The following NIPBL variants were observed in gnomAD, a reference collection of about 807,000 sequenced individuals.
NIPBL encodes nipped-B-like protein.
NIPBL carries 19 observed loss-of-function variants against 321.8 expected under a neutral mutation model. That is an observed-to-expected ratio of 0.06 (90% confidence interval 0.04 to 0.09). The LOEUF (loss-of-function observed/expected upper bound fraction) is 0.09. NIPBL is among the 10% of genes least tolerant of loss of function. NIPBL has a pLI of 1.00. For missense variants in NIPBL, 2,210 were observed against 3,327.0 expected (o/e 0.66, Z 8.26); for synonymous variants, 1,106 against 1,114.1 (o/e 0.99, Z 0.14).
At chr5:36,962,325 C>G (rs752981686) in intron 6 of NIPBL, 51 bp downstream of exon 6, 2 of 1,593,136 alleles carry the variant, frequency 1.3e-6, no homozygotes, top group Non-Finnish European at 1.7e-6. Context: ...GCTTTAATTC[C>G]AAGCAAATTT....
chr5:36,877,665 C>T (rs1486461135), intron 1 of NIPBL, among the ~76,000 whole-genome samples: 2 of 152,350 alleles, frequency 1.3e-5, no homozygotes, highest in Non-Finnish European at 2.9e-5. Flanking sequence ...CTCCCTTCTT[C>T]CCCCTGTGAC....
intron 1 of NIPBL, among the ~76,000 whole-genome samples, chr5:36,908,780 C>G (rs1367187706): frequency 1.3e-5 from 2 of 152,134 alleles, no homozygotes; most frequent in Non-Finnish European, 2.9e-5. Context: ...CAGTAAGCCA[C>G]AGTATTAAAA....
chr5:36,935,622 C>G (rs1216962682), intron 1 of NIPBL, among the ~76,000 whole-genome samples: 1 of 152,114 alleles, frequency 6.6e-6, no homozygotes, highest in Non-Finnish European at 1.5e-5. Context: ...TCTTTTTGTT[C>G]TTAGAATATA....
chr5:36,929,550 T>A (rs1017140613), intron 1 of NIPBL, among the ~76,000 whole-genome samples: 1 of 152,092 alleles, frequency 6.6e-6, no homozygotes, highest in Non-Finnish European at 1.5e-5. Flanking sequence ...CTATGAAAAT[T>A]GTTAACTTTA....
At chr5:36,991,189 A>G (rs1745472410) in intron 10 of NIPBL, among the ~76,000 whole-genome samples, 1 of 152,098 alleles carries the variant, frequency 6.6e-6, no homozygotes, top group Non-Finnish European at 1.5e-5. Context: ...CTTATTACAA[A>G]TTATAGTACA....
chr5:37,051,265 A>T (rs1753515095), intron 40 of NIPBL: 1 of 156,502 alleles, frequency 6.4e-6, no homozygotes, highest in Non-Finnish European at 1.4e-5. Flanking sequence ...CACTTAACAT[A>T]GTAGTACTGT....
intron 46 of NIPBL, chr5:37,064,229 A>T (rs1226221504): frequency 1.4e-6 from 2 of 1,387,286 alleles, no homozygotes; most frequent in Non-Finnish European, 1.9e-6. Context: ...GAATTGTATT[A>T]ATGTGTGTTA....
rs374093687 is a variant in NIPBL, at chr5:37,020,718, C to T, written c.5225+45C>T. Reference sequence around the variant, plus strand: ...CAGTTTACATTTATCTCCTTGATATCTATTTCCCTAAGTTACAAAAAAAGA... The same window carrying T: ...CAGTTTACATTTATCTCCTTGATATTTATTTCCCTAAGTTACAAAAAAAGA... On this transcript the variant is annotated intron_variant, in intron 26 of 46. Transcript: ENST00000282516. 55 of 1,597,570 alleles carry T rather than the reference C, an allele frequency of 3.4e-5. No individual in the cohort carries two copies. In the East Asian group the frequency reaches 9.8e-4, roughly 29 times the overall value.
At chr5:36,969,510 G>A (rs1742614359) in intron 6 of NIPBL, among the ~76,000 whole-genome samples, 1 of 152,160 alleles carries the variant, frequency 6.6e-6, no homozygotes, top group African/African-American at 2.4e-5. Flanking sequence ...CTTAATGGGG[G>A]AAAGAATGAT....
At chr5:37,046,332 G>A (rs1401937978) in intron 38 of NIPBL, 133 bp downstream of exon 38, 2 of 626,708 alleles carry the variant, frequency 3.2e-6, no homozygotes, top group Non-Finnish European at 5.7e-6. Flanking sequence ...ATAGAATGTA[G>A]GTCTGAGGAT....
At chr5:36,955,683 CCTTA>C (rs764866522) in intron 3 of NIPBL, 46 bp downstream of exon 3, 11 of 1,526,098 alleles carry the variant, frequency 7.2e-6, no homozygotes, top group South Asian at 2.2e-5. Flanking sequence ...AAAGTTTTGG[CCTTA>C]CTAAGAGAAT....
At chr5:37,044,810 G>A in intron 36 of NIPBL, 81 bp downstream of exon 36, 1 of 967,506 alleles carries the variant, frequency 1.0e-6, no homozygotes, top group Non-Finnish European at 1.6e-6. Context: ...TTTGATAAAA[G>A]GCTAGACTCG....
intron 4 of NIPBL, 150 bp downstream of exon 4, chr5:36,958,381 T>C: frequency 2.8e-6 from 2 of 712,826 alleles, no homozygotes; most frequent in Middle Eastern, 3.6e-4. Flanking sequence ...ACTGATAAGA[T>C]TCTTGTAGTT....
intron 11 of NIPBL, among the ~76,000 whole-genome samples, chr5:36,998,669 T>G (rs1384588628): frequency 6.6e-6 from 1 of 152,056 alleles, no homozygotes; most frequent in Non-Finnish European, 1.5e-5. Context: ...AAATAGTGCT[T>G]TCTGAAGAAG....
At chr5:36,932,909 C>T (rs912261844) in intron 1 of NIPBL, among the ~76,000 whole-genome samples, 1 of 150,558 alleles carries the variant, frequency 6.6e-6, no homozygotes, top group African/African-American at 2.4e-5. Flanking sequence ...GTGATCCTTT[C>T]ACTTCAGCCT....
At chr5:36,963,129 G>A (rs1741818701) in intron 6 of NIPBL, among the ~76,000 whole-genome samples, 1 of 152,022 alleles carries the variant, frequency 6.6e-6, no homozygotes, top group South Asian at 2.1e-4. Context: ...TCTTTTTAAG[G>A]TTATATTGCC....
intron 1 of NIPBL, among the ~76,000 whole-genome samples, chr5:36,928,534 A>G (rs1749535166): frequency 2.0e-5 from 3 of 152,328 alleles, no homozygotes; most frequent in Non-Finnish European, 2.9e-5. Flanking sequence ...ATATCTCTAG[A>G]TGCAATTTTA....
chr5:36,967,875 A>G (rs1742382285), intron 6 of NIPBL, among the ~76,000 whole-genome samples: 1 of 151,862 alleles, frequency 6.6e-6, no homozygotes, highest in African/African-American at 2.4e-5. Context: ...CAGAACGGGC[A>G]GATTGCTTGA....
At chr5:36,949,431 T>A (rs928499812) in intron 1 of NIPBL, among the ~76,000 whole-genome samples, 1 of 151,890 alleles carries the variant, frequency 6.6e-6, no homozygotes, top group Non-Finnish European at 1.5e-5. Context: ...AAATTATTTA[T>A]CTTCTCTGTA....
Sources: gnomAD v4.1 joint callset for allele counts (sites outside exome capture counted in the v4.1 genomes callset) on GRCh38, gnomAD v4.1.1 for gene constraint, MANE v1.5 for transcripts, NCBI Gene and HGNC (gene_info 2026-07-23, HGNC 2026-07-21) for gene names.